The following CHCHD6 variants were observed in gnomAD, a reference collection of about 807,000 sequenced individuals.
CHCHD6 encodes the protein MICOS complex subunit MIC25.
A neutral mutation model predicts 32.3 loss-of-function variants in CHCHD6; 28 were observed. That is an observed-to-expected ratio of 0.87 (90% confidence interval 0.64 to 1.19). The LOEUF (loss-of-function observed/expected upper bound fraction) is 1.19. Among genes scored for constraint, CHCHD6 ranks in the 50% most tolerant of loss-of-function variants. The pLI is 0.00. For synonymous variants in CHCHD6, 122 were observed against 117.5 expected, an observed-to-expected ratio of 1.04 and a Z score of -0.25; for missense variants, 333 against 307.0, an observed-to-expected ratio of 1.08 and a Z score of -0.63.
intron 6 of CHCHD6, among the ~76,000 whole-genome samples, chr3:126,937,991 T>TC (rs913902041): frequency 6.6e-6 from 1 of 152,174 alleles, no homozygotes; most frequent in Non-Finnish European, 1.5e-5. Flanking sequence ...AACAGGGGAT[T>TC]CCCAGGCTAT....
intron 4 of CHCHD6, among the ~76,000 whole-genome samples, chr3:126,777,682 C>G (rs1255136101): frequency 6.6e-6 from 1 of 152,148 alleles, no homozygotes; most frequent in Non-Finnish European, 1.5e-5. Context: ...ACGTTGAGCT[C>G]CTTTCCAAGG....
At chr3:126,952,593 G>A (rs2078730191) in intron 6 of CHCHD6, among the ~76,000 whole-genome samples, 1 of 152,216 alleles carries the variant, frequency 6.6e-6, no homozygotes, top group African/African-American at 2.4e-5. Context: ...GCTCGGCATG[G>A]GGCCCAGGGG....
At chr3:126,834,270 G>C (rs995992058) in intron 4 of CHCHD6, among the ~76,000 whole-genome samples, 3 of 152,052 alleles carry the variant, frequency 2.0e-5, no homozygotes, top group African/African-American at 7.2e-5. Context: ...GGGATCAATA[G>C]CTATAGACCA....
At chr3:126,921,483 C>A (rs2078245902) in intron 6 of CHCHD6, among the ~76,000 whole-genome samples, 1 of 147,508 alleles carries the variant, frequency 6.8e-6, no homozygotes, top group Non-Finnish European at 1.5e-5. Context: ...TTTATTGTGT[C>A]ACATCTATTT....
At chr3:126,745,452 G>C (rs1302261111) in intron 4 of CHCHD6, among the ~76,000 whole-genome samples, 1 of 152,230 alleles carries the variant, frequency 6.6e-6, no homozygotes, top group East Asian at 1.9e-4. Context: ...TGGTCTGGCA[G>C]ATGGAAGGTG....
At chr3:126,901,227 G>C (rs1486163328) in intron 5 of CHCHD6, among the ~76,000 whole-genome samples, 5 of 152,156 alleles carry the variant, frequency 3.3e-5, no homozygotes, top group Non-Finnish European at 5.9e-5. Context: ...GACCCAGGGT[G>C]GTGTAGCCTA....
chr3:126,850,076 A>G (rs1941419435), intron 4 of CHCHD6, among the ~76,000 whole-genome samples: 1 of 152,094 alleles, frequency 6.6e-6, no homozygotes, highest in African/African-American at 2.4e-5. Context: ...CTCAGTTTCT[A>G]CAGCCATTTT....
intron 4 of CHCHD6, among the ~76,000 whole-genome samples, chr3:126,769,566 C>T (rs1331625448): frequency 3.3e-5 from 5 of 152,072 alleles, no homozygotes; most frequent in Non-Finnish European, 5.9e-5. Context: ...TGCAGTGTTG[C>T]GATCTTGGCT....
At position 126,960,401 on chromosome 3, in the gene CHCHD6, C is replaced by T. The variant is rs982209757; in HGVS notation, c.*200C>T. On this transcript the variant is annotated 3_prime_UTR_variant, in exon 8 of 8. Coordinates refer to ENST00000290913, the MANE Select transcript of CHCHD6 (RefSeq NM_032343.3). ...TAAAGCAGATGCCTTTGTTTTCAGTCGTTGACTCACTGGCAAACAGTCACT... is the reference window on the plus strand; with the variant it reads ...TAAAGCAGATGCCTTTGTTTTCAGTTGTTGACTCACTGGCAAACAGTCACT... 20 of 620,204 alleles carry T rather than the reference C, an allele frequency of 3.2e-5. No homozygotes were observed. Among genetic ancestry groups the T allele is most frequent in the East Asian group, 1.2e-4 (4 of 33,918 alleles). 38.4% of individuals were successfully genotyped at this position (620,204 alleles called of 1,614,324 possible).
intron 5 of CHCHD6, among the ~76,000 whole-genome samples, chr3:126,886,288 A>G (rs1379073143): frequency 2.0e-5 from 3 of 152,232 alleles, no homozygotes; most frequent in Non-Finnish European, 4.4e-5. Context: ...ACCTCAGTCC[A>G]AAAATATTAA....
chr3:126,730,551 T>C lies in CHCHD6; in HGVS notation c.197-10T>C, dbSNP rs771724176. ...CCACTGACAGGCCCTTTCTTCTCTTTCCTTTGCAGAATCCACACTGCCCAG... is the reference window on the plus strand; with the variant it reads ...CCACTGACAGGCCCTTTCTTCTCTTCCCTTTGCAGAATCCACACTGCCCAG... On this transcript the variant is annotated splice_polypyrimidine_tract_variant and intron_variant, in intron 2 of 7. Transcript: ENST00000290913. 2 of 1,612,876 alleles carry C rather than the reference T, an allele frequency of 1.2e-6. No homozygotes were observed. Among genetic ancestry groups the C allele is most frequent in the South Asian group, 1.1e-5 (1 of 90,902 alleles).
At chr3:126,855,912 C>T (rs970467181) in intron 5 of CHCHD6, among the ~76,000 whole-genome samples, 2 of 152,156 alleles carry the variant, frequency 1.3e-5, no homozygotes, top group Admixed American at 6.5e-5. Context: ...ACCGCAAGGT[C>T]CCATGGCCGG....
intron 4 of CHCHD6, among the ~76,000 whole-genome samples, chr3:126,794,047 G>T (rs1011250693): frequency 3.3e-5 from 5 of 151,928 alleles, no homozygotes; most frequent in African/African-American, 1.2e-4. Context: ...TCAAAAATTT[G>T]ATTATGATTT....
At chr3:126,745,830 T>G (rs1470958694) in intron 4 of CHCHD6, among the ~76,000 whole-genome samples, 1 of 152,234 alleles carries the variant, frequency 6.6e-6, no homozygotes, top group Non-Finnish European at 1.5e-5. Flanking sequence ...GTCTCTGGGC[T>G]TGCATTCTTG....
At chr3:126,960,127 G>A (rs1039186092) in intron 7 of CHCHD6, 69 bp from the exon 8 acceptor site, 17 of 1,546,602 alleles carry the variant, frequency 1.1e-5, no homozygotes, top group African/African-American at 5.5e-5. Flanking sequence ...GTCACAGGGC[G>A]ATCTGCACGG....
At chr3:126,917,165 C>T (rs1365624563) in intron 6 of CHCHD6, among the ~76,000 whole-genome samples, 3 of 152,208 alleles carry the variant, frequency 2.0e-5, no homozygotes, top group African/African-American at 7.2e-5. Context: ...TGTTTGTTTA[C>T]AGCATCCCTT....
At chr3:126,933,380 G>A (rs933740969) in intron 6 of CHCHD6, among the ~76,000 whole-genome samples, 1 of 152,236 alleles carries the variant, frequency 6.6e-6, no homozygotes, top group South Asian at 2.1e-4. Context: ...CAATATTCTT[G>A]TATTATCCAT....
chr3:126,798,780 A>G (rs1412913381), intron 4 of CHCHD6, among the ~76,000 whole-genome samples: 2 of 152,148 alleles, frequency 1.3e-5, no homozygotes, highest in Non-Finnish European at 2.9e-5. Flanking sequence ...TGAATTTCGC[A>G]GGAATTGGAG....
intron 4 of CHCHD6, among the ~76,000 whole-genome samples, chr3:126,779,535 C>CAAAAAAAAAAAAAAAAAAAAAAAAA (rs11288509): frequency 3.8e-5 from 3 of 78,098 alleles, no homozygotes; most frequent in African/African-American, 5.1e-5. Context: ...GACTCCATCT[C>CAAAAAAAAAAAAAAAAAAAAAAAAA]AAAAAAAAAA....
Sources: gnomAD v4.1 joint callset for allele counts (sites outside exome capture counted in the v4.1 genomes callset) on GRCh38, gnomAD v4.1.1 for gene constraint, MANE v1.5 for transcripts, NCBI Gene and HGNC (gene_info 2026-07-23, HGNC 2026-07-21) for gene names.